Variants in ADD1 observed in about 807,000 individuals in gnomAD.
ADD1 encodes adducin 1.
A neutral mutation model predicts 80.5 loss-of-function variants in ADD1; 24 were observed. The ratio of observed to expected loss-of-function variants is 0.30; its 90% CI spans 0.22 to 0.42. The LOEUF is 0.42. Among genes scored for constraint, ADD1 ranks in the 10% least tolerant of loss-of-function variants. ADD1 has a pLI of 1.00. For missense variants in ADD1, 948 were observed against 1,019.0 expected, an observed-to-expected ratio of 0.93 and a Z score of 0.95; for synonymous variants, 373 against 393.8, an observed-to-expected ratio of 0.95 and a Z score of 0.63.
At chr4:2,924,474 A>C (rs1390955037) in intron 14 of ADD1, among the ~76,000 whole-genome samples, 1 of 152,124 alleles carries the variant, frequency 6.6e-6, no homozygotes, top group Non-Finnish European at 1.5e-5. Context: ...GCTCCAACTC[A>C]GGTTTTTACT....
intron 1 of ADD1, among the ~76,000 whole-genome samples, chr4:2,851,174 G>A (rs905152644): frequency 6.6e-6 from 1 of 152,098 alleles, no homozygotes; most frequent in Non-Finnish European, 1.5e-5. Flanking sequence ...TCAGCCTCCG[G>A]AATAGCTAGG....
chr4:2,862,194 A>G (rs567436471), intron 1 of ADD1, among the ~76,000 whole-genome samples: 1 of 152,276 alleles, frequency 6.6e-6, no homozygotes, highest in East Asian at 1.9e-4. Context: ...TGAAAACTGG[A>G]AGAGGACAGT....
intron 14 of ADD1, among the ~76,000 whole-genome samples, chr4:2,924,519 A>C (rs1740637468): frequency 6.6e-6 from 1 of 152,220 alleles, no homozygotes; most frequent in African/African-American, 2.4e-5. Flanking sequence ...CTCCGGGGTC[A>C]GCCTTGCTGG....
intron 1 of ADD1, among the ~76,000 whole-genome samples, chr4:2,861,824 T>C (rs981250658): frequency 8.5e-5 from 13 of 152,280 alleles, no homozygotes; most frequent in African/African-American, 2.9e-4. Context: ...CCTGGATCAG[T>C]GTGATCCTTT....
At chr4:2,909,227 C>T (rs984142712) in intron 12 of ADD1, 112 bp from the exon 13 acceptor site, 4 of 867,224 alleles carry the variant, frequency 4.6e-6, no homozygotes, top group African/African-American at 3.3e-5. Flanking sequence ...GCCACACTTA[C>T]TGTTGACAGC....
rs888174607 is a variant in ADD1, at chr4:2,928,788, G to C, written c.*265G>C. 8.7e-6 allele frequency: 4 copies of C among 462,244 alleles called. No individual in the cohort carries two copies. Among genetic ancestry groups the C allele is most frequent in the African/African-American group, 8.3e-5 (4 of 48,226 alleles). The allele number at this position is 462,244 out of a possible 1,614,324, so 28.6% of individuals were successfully genotyped here. A position where few individuals can be genotyped will look rare whatever the true frequency, so the allele number is the denominator to read the frequency against. On this transcript the variant is annotated 3_prime_UTR_variant, in exon 16 of 16. Coordinates refer to ENST00000683351, the MANE Select transcript of ADD1 (RefSeq NM_001354761.2). ...CCACAGGGGGGAGGCACTAAGTCAT[G>C]GTCCTGGCTGGAAGGTACTGAAGGC...
At chr4:2,914,599 C>T (rs2109124494) in intron 13 of ADD1, 2 of 316,350 alleles carry the variant, frequency 6.3e-6, no homozygotes, top group East Asian at 5.7e-5. Flanking sequence ...CTGAGGTGCT[C>T]TGTGCTCTTG....
intron 4 of ADD1, among the ~76,000 whole-genome samples, chr4:2,884,889 C>A (rs1577558515): frequency 6.6e-6 from 1 of 152,132 alleles, no homozygotes; most frequent in South Asian, 2.1e-4. Context: ...TGCGTGCTAA[C>A]CTAATAAAAC....
intron 3 of ADD1, among the ~76,000 whole-genome samples, chr4:2,883,802 G>T (rs1347703791): frequency 6.6e-6 from 1 of 151,970 alleles, no homozygotes; most frequent in Non-Finnish European, 1.5e-5. Context: ...CTCCCAAGTA[G>T]CTGGGAGTAT....
At chr4:2,874,904 TAATTC>T (rs1731038123) in intron 1 of ADD1, among the ~76,000 whole-genome samples, 1 of 152,132 alleles carries the variant, frequency 6.6e-6, no homozygotes, top group African/African-American at 2.4e-5. Context: ...ATTTGTGTAT[TAATTC>T]AATTCCCAGG....
At chr4:2,852,138 T>TTTCTTTC (rs1342452606) in intron 1 of ADD1, among the ~76,000 whole-genome samples, 7 of 97,668 alleles carry the variant, frequency 7.2e-5, no homozygotes, top group East Asian at 5.9e-4. Flanking sequence ...ACCCGGCCTC[T>TTTCTTTC]TTTCTTTCTT....
In ADD1 at chr4:2,850,671, C is replaced by T. The variant is rs1261757791; in HGVS notation, c.-21+6647C>T. ...CAATCTCCTGACCTCATGATCCGCC[C>T]GCCTCGGCCTCCCAAAGTGCTGGGA... is the stretch of plus-strand genomic sequence containing the variant. On this transcript the variant is annotated intron_variant, in intron 1 of 15. Coordinates refer to ENST00000683351, the MANE Select transcript of ADD1 (RefSeq NM_001354761.2). 5.9e-5 allele frequency among the ~76,000 whole-genome samples: 9 copies of T among 152,174 alleles called. No homozygotes were observed. The South Asian group carries it at 6.2e-4, about 11-fold the overall frequency.
Position 2,884,635 on chromosome 4 carries a change from G to A in ADD1, c.479G>A (p.Gly160Glu). Residue 160 changes from glycine (G) to glutamate (E), a missense_variant, in exon 4 of 16, where the codon GGG becomes GAG. Coordinates refer to ENST00000683351, the MANE Select transcript of ADD1 (RefSeq NM_001354761.2). ...TTTTATAGACTAGCAGATCTCTTTGGGTGGTCTCAGCTTATCTACAATCAT... is the reference window on the plus strand; with the variant it reads ...TTTTATAGACTAGCAGATCTCTTTGAGTGGTCTCAGCTTATCTACAATCAT... ...AAFYRLADLF[G>E]WSQLIYNHIT... The A allele has an allele frequency of 6.2e-7, 1 of 1,610,658 alleles. No individual in the cohort carries two copies. The highest frequency in any genetic ancestry group is 8.5e-7 in the Non-Finnish European group (1 of 1,177,928).
rs751241627 is a variant in ADD1, at chr4:2,926,156, G to A, written c.2047+44G>A. On this transcript the variant is annotated intron_variant, in intron 15 of 15. Coordinates refer to ENST00000683351, the MANE Select transcript of ADD1 (RefSeq NM_001354761.2). This position sits in a 1 kb window ranked among gnomAD's most constrained non-coding sequence, Gnocchi z 5.0. The stretch of plus-strand genomic sequence containing the variant: ...CGGCCGCCACTGTGGGAGGGTGCAC[G>A]GCTCGTGCGCGCTGTGGCGGAATGT... 8.1e-5 allele frequency: 124 copies of A among 1,538,782 alleles called. No homozygotes were observed. The Middle Eastern group carries it at 1.0e-3, about 13-fold the overall frequency.
intron 10 of ADD1, among the ~76,000 whole-genome samples, chr4:2,906,924 G>A (rs998849349): frequency 2.0e-5 from 3 of 152,146 alleles, no homozygotes; most frequent in South Asian, 2.1e-4. Flanking sequence ...ATTTGCTCTC[G>A]AAGATGGGCT....
chr4:2,852,410 T>A (rs1180942580), intron 1 of ADD1, among the ~76,000 whole-genome samples: 15 of 143,614 alleles, frequency 1.0e-4, no homozygotes, highest in Middle Eastern at 6.5e-3. Flanking sequence ...CACTGCAACC[T>A]CCGCCTCCCG....
At chr4:2,852,291 CTTTTCTTTTCT>C (rs1727378641) in intron 1 of ADD1, among the ~76,000 whole-genome samples, 2 of 108,494 alleles carry the variant, frequency 1.8e-5, no homozygotes, top group African/African-American at 7.1e-5. Flanking sequence ...CTTTTCTTTT[CTTTTCTTTTCT>C]TTTCTTTTTT....
intron 14 of ADD1, among the ~76,000 whole-genome samples, chr4:2,921,539 C>T (rs576094157): frequency 5.3e-5 from 8 of 152,310 alleles, no homozygotes; most frequent in African/African-American, 1.7e-4. Flanking sequence ...TTGTGGGTAA[C>T]CCAACCTTTC....
intron 4 of ADD1, among the ~76,000 whole-genome samples, chr4:2,893,642 G>C (rs1734679840): frequency 6.6e-6 from 1 of 151,868 alleles, no homozygotes. Flanking sequence ...TGTAAGTTTT[G>C]GTTTTCATTA....
Sources: allele counts gnomAD v4.1 joint callset (sites outside exome capture counted in the v4.1 genomes callset), GRCh38; gene constraint gnomAD v4.1.1; non-coding constraint Gnocchi (gnomAD v3.1); transcripts MANE v1.5; gene names NCBI Gene and HGNC (gene_info 2026-07-23, HGNC 2026-07-21).